The following TRIM66 variants were observed in gnomAD, a reference collection of about 807,000 sequenced individuals.
TRIM66 encodes tripartite motif-containing protein 66.
TRIM66 carries 99 observed loss-of-function variants against 148.2 expected under a neutral mutation model. The ratio of observed to expected loss-of-function variants is 0.67; its 90% CI spans 0.57 to 0.79. TRIM66 has a LOEUF of 0.79. Ranked by LOEUF, TRIM66 falls within the 30% of genes least tolerant of loss-of-function variation. TRIM66 has a pLI of 0.00. For missense variants in TRIM66, 1,666 were observed against 1,697.9 expected (o/e 0.98, Z 0.33); for synonymous variants, 616 against 635.9 (o/e 0.97, Z 0.47).
chr11:8,648,611 C>A, intron 8 of TRIM66, 63 bp from the exon 9 acceptor site: 1 of 1,538,366 alleles, frequency 6.5e-7, no homozygotes, highest in Non-Finnish European at 8.8e-7. Flanking sequence ...CTCAGTTAAG[C>A]TTTGCTGCAC....
chr11:8,677,055 G>C (rs1403590223), intron 3 of TRIM66, among the ~76,000 whole-genome samples: 1 of 152,078 alleles, frequency 6.6e-6, no homozygotes, highest in African/African-American at 2.4e-5. Flanking sequence ...ATATTTACTG[G>C]AGTACCTTAA....
intron 6 of TRIM66, among the ~76,000 whole-genome samples, chr11:8,655,363 T>C (rs2037733230): frequency 6.6e-6 from 1 of 152,248 alleles, no homozygotes; most frequent in South Asian, 2.1e-4. Context: ...TCTAACTATG[T>C]AACCTTGGGT....
Position 8,621,848 on chromosome 11 carries a change from T to C in TRIM66, c.3081-29A>G, listed in dbSNP as rs1168077129. The C allele has an allele frequency of 4.6e-6, 7 of 1,509,436 alleles. No homozygotes were observed. The South Asian group carries it at 7.8e-5, about 17-fold the overall frequency. The allele number at this position is 1,509,436 out of a possible 1,614,324, so 93.5% of individuals were successfully genotyped here. ...CAGCAAGACAGACACCCCGGGGTCT[T>C]GGTGGGATCCTCCTCTGGTCCCAAC... On this transcript the variant is annotated intron_variant, in intron 18 of 24. Transcript: ENST00000646038.
rs1295867157 is a variant in TRIM66, at chr11:8,680,004, T to G, written c.-488A>C. The G allele has an allele frequency of 6.6e-6, 1 of 152,296 alleles. No individual in the cohort carries two copies. Among genetic ancestry groups the G allele is most frequent in the Non-Finnish European group, 1.5e-5 (1 of 68,090 alleles). 9.4% of individuals were successfully genotyped at this position (152,296 alleles called of 1,614,324 possible). A position where few individuals can be genotyped will look rare whatever the true frequency, so the allele number is the denominator to read the frequency against. ...AGTGCTGTACCTTCAGGCAGATGTA[T>G]TTTGTAAATTGCCAAGTGCTCTGAA... On this transcript the variant is annotated 5_prime_UTR_variant, in exon 2 of 25. Coordinates refer to ENST00000646038, the MANE Select transcript of TRIM66 (RefSeq NM_001388022.1).
chr11:8,649,675 A>G, intron 8 of TRIM66, 65 bp downstream of exon 8: 2 of 1,521,030 alleles, frequency 1.3e-6, no homozygotes, highest in Non-Finnish European at 8.9e-7. Context: ...GCTATTCTCC[A>G]GGGATCTTAG....
At chr11:8,676,719 T>C (rs911249366) in intron 3 of TRIM66, among the ~76,000 whole-genome samples, 3 of 152,256 alleles carry the variant, frequency 2.0e-5, no homozygotes, top group African/African-American at 7.2e-5. Flanking sequence ...CCCCTTCTTA[T>C]GGCTGCTTTC....
chr11:8,640,543 T>G lies in TRIM66; in HGVS notation c.1832A>C (p.His611Pro), dbSNP rs11042022. ...QLPPPPPPLPHPPPPLPPPPQ... is the reference protein window; with the variant it reads ...QLPPPPPPLPPPPPPLPPPPQ... ...GGGAGGGGGAAGGGGAGGTGGGGGA[T>G]GGGGGAGGGGTGGTGGTGGAGGTGG... is the stretch of plus-strand genomic sequence containing the variant. Residue 611 changes from histidine (H) to proline (P), a missense_variant, in exon 14 of 25, where the codon CAT (histidine) becomes CCT (proline). Physicochemically the swap from His to Pro is moderately conservative, Grantham distance 77 (BLOSUM62 -2). This residue lies in a region of TRIM66 where 1,431 missense variants were observed against 1,412.4 expected (regional missense o/e 1.01). Transcript: ENST00000646038. 64 of 1,482,712 alleles carry G rather than the reference T, an allele frequency of 4.3e-5. No individual in the cohort carries two copies. The highest frequency in any genetic ancestry group is 2.4e-4 in the Middle Eastern group (1 of 4,226). The allele number at this position is 1,482,712 out of a possible 1,614,324, so 91.8% of individuals were successfully genotyped here. A position where few individuals can be genotyped will look rare whatever the true frequency, so the allele number is the denominator to read the frequency against.
rs112261083 is a variant in TRIM66 at position 8,619,935 on chromosome 11, A to G, written c.3747+115T>C. On this transcript the variant is annotated intron_variant, in intron 22 of 24. Coordinates refer to ENST00000646038, the MANE Select transcript of TRIM66 (RefSeq NM_001388022.1). ...AAGACAGTAGCAGGCACAAAATTCA[A>G]TAACTCAGAATTTTGTGACTCTAGA... 177 of 1,020,966 alleles carry G rather than the reference A, an allele frequency of 1.7e-4. No individual in the cohort carries two copies. In the African/African-American group the frequency reaches 1.8e-3, roughly 10 times the overall value. 63.2% of individuals were successfully genotyped at this position (1,020,966 alleles called of 1,614,324 possible).
chr11:8,681,220 G>A lies in TRIM66; in HGVS notation c.-547-1157C>T, dbSNP rs1178340128. 2.0e-5 allele frequency among the ~76,000 whole-genome samples: 3 copies of A among 150,598 alleles called. No individual in the cohort carries two copies. In the East Asian group the frequency reaches 5.9e-4, roughly 29 times the overall value. On this transcript the variant is annotated intron_variant, in intron 1 of 24. Coordinates refer to ENST00000646038, the MANE Select transcript of TRIM66 (RefSeq NM_001388022.1). ...GCGATCTCGGTTCACTACAAGCTCC[G>A]CCTCCCGGGTTCACGCCATTCTCCT... is the stretch of plus-strand genomic sequence containing the variant.
chr11:8,681,931 T>C (rs2039451210), intron 1 of TRIM66, among the ~76,000 whole-genome samples: 1 of 152,180 alleles, frequency 6.6e-6, no homozygotes, highest in African/African-American at 2.4e-5. Context: ...TTTACTTATT[T>C]ACTTTTGTAT....
chr11:8,638,559 G>A (rs1271555498), intron 15 of TRIM66, 95 bp downstream of exon 15: 12 of 1,386,178 alleles, frequency 8.7e-6, no homozygotes, highest in African/African-American at 5.9e-5. Flanking sequence ...GAACAGGGAC[G>A]CTCCTCCCCC....
Position 8,648,485 on chromosome 11 carries a change from T to C in TRIM66, c.656A>G (p.Lys219Arg), listed in dbSNP as rs777430472. 9 of 1,551,676 alleles carry C rather than the reference T, an allele frequency of 5.8e-6. No individual in the cohort carries two copies. Among genetic ancestry groups the C allele is most frequent in the Admixed American group, 2.0e-5 (1 of 50,996 alleles). Residue 219 changes from lysine to arginine, a missense_variant, in exon 9 of 25, where the codon AAG (lysine) becomes AGG (arginine). This residue lies in a region of TRIM66 where 1,431 missense variants were observed against 1,412.4 expected (regional missense o/e 1.01). Coordinates refer to ENST00000646038, the MANE Select transcript of TRIM66 (RefSeq NM_001388022.1). ...YCPLHTQEVL[K>R]LFCETCDMLT... Reference sequence around the variant, plus strand: ...CATATCACATGTCTCACAGAATAGCTTGAGTACTTCCTGTGTGTGTAGAGG... The same window carrying C: ...CATATCACATGTCTCACAGAATAGCCTGAGTACTTCCTGTGTGTGTAGAGG...
At chr11:8,675,771 G>A (rs1185143704) in intron 3 of TRIM66, among the ~76,000 whole-genome samples, 7 of 150,310 alleles carry the variant, frequency 4.7e-5, no homozygotes, top group Admixed American at 4.6e-4. Context: ...AGAGAGTCTC[G>A]CTCTGTCGTC....
At chr11:8,637,708 A>G (rs928796347) in intron 15 of TRIM66, among the ~76,000 whole-genome samples, 15 of 152,346 alleles carry the variant, frequency 9.8e-5, no homozygotes, top group African/African-American at 3.4e-4. Flanking sequence ...GGGATGCTAC[A>G]GGGCCAAGGG....
chr11:8,642,749 T>C (rs1249455928), intron 13 of TRIM66, among the ~76,000 whole-genome samples: 1 of 145,220 alleles, frequency 6.9e-6, no homozygotes, highest in Non-Finnish European at 1.5e-5. Context: ...ACAGGACATT[T>C]ACACAGAATG....
At chr11:8,666,739 C>CA (rs1336962812) in intron 6 of TRIM66, among the ~76,000 whole-genome samples, 2 of 152,180 alleles carry the variant, frequency 1.3e-5, no homozygotes, top group African/African-American at 2.4e-5. Flanking sequence ...AATATACTGA[C>CA]ACCAAAGCTT....
chr11:8,642,838 CCCCT>C (rs1201431987), intron 13 of TRIM66, among the ~76,000 whole-genome samples, 167 bp downstream of exon 13: 3 of 135,292 alleles, frequency 2.2e-5, no homozygotes, highest in Non-Finnish European at 4.7e-5. Flanking sequence ...TCTCCTCTTC[CCCCT>C]CAAAAAAAAA....
Position 8,624,477 on chromosome 11 carries a change from G to A in TRIM66, c.2901C>T (p.Pro967=). Residue 967 remains proline (P), a synonymous_variant, in exon 17 of 25, where the codon CCC becomes CCT. Coordinates refer to ENST00000646038, the MANE Select transcript of TRIM66 (RefSeq NM_001388022.1). The part of the protein sequence containing the change: ...QGPIVPGLDA[P]KDLAIPSELE... ...GTTCTGAGGGGATGGCCAAGTCCTT[G>A]GGAGCATCCAGACCGGGGACTATGG... 1 of 1,551,618 alleles carries A rather than the reference G, an allele frequency of 6.4e-7. No homozygotes were observed. The highest frequency in any genetic ancestry group is 1.2e-5 in the South Asian group (1 of 84,022).
At chr11:8,655,406 A>G (rs977054416) in intron 6 of TRIM66, among the ~76,000 whole-genome samples, 2 of 152,134 alleles carry the variant, frequency 1.3e-5, no homozygotes, top group African/African-American at 4.8e-5. Context: ...CTTACTTTCT[A>G]CACCATTAAA....
Sources: allele counts gnomAD v4.1 joint callset (sites outside exome capture counted in the v4.1 genomes callset), GRCh38; gene constraint gnomAD v4.1.1; regional missense constraint gnomAD v4.1.1; transcripts MANE v1.5; gene names NCBI Gene and HGNC (gene_info 2026-07-23, HGNC 2026-07-21).